HOMER2: variants seen among roughly 807,000 people sequenced by gnomAD.
The protein encoded by HOMER2 is homer protein homolog 2.
Under a neutral mutation model 47.0 loss-of-function variants are expected in HOMER2, and 27 were observed. That is an observed-to-expected ratio of 0.57 (90% confidence interval 0.42 to 0.79). The LOEUF (loss-of-function observed/expected upper bound fraction) is 0.79, where lower values mean the gene tolerates loss of function less well. HOMER2 is among the 30% of genes least tolerant of loss of function. HOMER2 has a pLI of 0.00. For synonymous variants in HOMER2, 161 were observed against 163.8 expected (o/e 0.98, Z 0.13); for missense variants, 443 against 435.0 (o/e 1.02, Z -0.16).
chr15:82,854,905 G>A lies in HOMER2; in HGVS notation c.495-105C>T, dbSNP rs1389932145. ...CCATCCCTCAGCACACCCCTGGGGG[G>A]CCCACGCCCTCTCCCCACAGTAAGC... On this transcript the variant is annotated intron_variant, in intron 5 of 8. Coordinates refer to ENST00000450735, the MANE Select transcript of HOMER2 (RefSeq NM_004839.4). 1.3e-5 allele frequency: 17 copies of A among 1,315,528 alleles called. No homozygotes were observed. The South Asian group carries it at 1.6e-4, about 12-fold the overall frequency. 81.5% of individuals were successfully genotyped at this position (1,315,528 alleles called of 1,614,324 possible).
intron 6 of HOMER2, among the ~76,000 whole-genome samples, chr15:82,853,855 C>G (rs905377358): frequency 2.0e-5 from 3 of 152,192 alleles, no homozygotes; most frequent in Admixed American, 2.0e-4. Context: ...CCTCACGCCT[C>G]AAGCACCATA....
chr15:82,952,810 G>C, upstream of HOMER2: 1 of 670,926 alleles, frequency 1.5e-6, no homozygotes, highest in African/African-American at 2.1e-5. Flanking sequence ...ACGTAACCTC[G>C]TGGCCCCCGG....
chr15:82,974,038 C>A (rs2030106581), intron 1 of HOMER2, among the ~76,000 whole-genome samples: 1 of 151,942 alleles, frequency 6.6e-6, no homozygotes. Flanking sequence ...GCAGAGGTTG[C>A]AGTGCACAGA....
At chr15:82,856,070 C>T (rs2051575772) in intron 5 of HOMER2, among the ~76,000 whole-genome samples, 1 of 152,148 alleles carries the variant, frequency 6.6e-6, no homozygotes, top group Admixed American at 6.5e-5. Context: ...TATCCCACAA[C>T]CTCAAGGACC....
intron 1 of HOMER2, among the ~76,000 whole-genome samples, chr15:82,894,557 G>C (rs2151104509): frequency 6.6e-6 from 1 of 151,734 alleles, no homozygotes. Flanking sequence ...TGTAGTCCCA[G>C]CTACTCGGGA....
chr15:82,895,361 C>T (rs899358193), intron 1 of HOMER2, among the ~76,000 whole-genome samples: 3 of 152,210 alleles, frequency 2.0e-5, no homozygotes, highest in African/African-American at 7.2e-5. Context: ...TTTCCCGCAT[C>T]TGCTGTCAAG....
At chr15:82,843,606 C>A in exon 2 of HOMER2, 1 of 148,508 alleles carries the variant, frequency 6.7e-6, no homozygotes, top group Non-Finnish European at 1.5e-5. Context: ...ATACGTGCAA[C>A]TTAAAATTTT....
Position 82,907,582 on chromosome 15 carries a change from A to G in HOMER2, c.6-14741T>C, listed in dbSNP as rs182985415. 3.3e-5 allele frequency among the ~76,000 whole-genome samples: 5 copies of G among 152,336 alleles called. No individual in the cohort carries two copies. The East Asian group carries it at 9.7e-4, about 29-fold the overall frequency. ...GAGAAAGGGACAGATTCAAAGAAGC[A>G]GAAAATCAGTACATAGTTGAACTCA... On this transcript the variant is annotated intron_variant, in intron 1 of 8. Transcript: ENST00000450735.
chr15:82,935,381 A>G (rs754966772), intron 1 of HOMER2, among the ~76,000 whole-genome samples: 2 of 151,690 alleles, frequency 1.3e-5, no homozygotes, highest in African/African-American at 2.4e-5. Flanking sequence ...CTCCTCCTCT[A>G]TCTTCTCTGC....
intron 1 of HOMER2, among the ~76,000 whole-genome samples, chr15:82,965,029 C>CT (rs1401137858): frequency 3.3e-5 from 5 of 151,898 alleles, no homozygotes; most frequent in African/African-American, 9.7e-5. Context: ...ACTATATTTT[C>CT]TTTTTTTTGA....
At chr15:82,951,909 T>C (rs1223615585) in intron 1 of HOMER2, 1 of 307,032 alleles carries the variant, frequency 3.3e-6, no homozygotes, top group African/African-American at 2.3e-5. Flanking sequence ...AGGGGAAAGC[T>C]TAAATTACTT....
At chr15:82,983,960 T>G (rs574544555) in intron 1 of HOMER2, among the ~76,000 whole-genome samples, 22 of 152,218 alleles carry the variant, frequency 1.4e-4, no homozygotes, top group African/African-American at 5.3e-4. Flanking sequence ...TACTATTTAC[T>G]ATTTAGCGCA....
At chr15:82,959,837 C>T (rs1168961135) in intron 1 of HOMER2, among the ~76,000 whole-genome samples, 1 of 152,138 alleles carries the variant, frequency 6.6e-6, no homozygotes, top group African/African-American at 2.4e-5. Context: ...ACTGGCTGGG[C>T]TTGTATGAGA....
intron 1 of HOMER2, among the ~76,000 whole-genome samples, chr15:82,938,747 G>C (rs984405540): frequency 5.3e-5 from 8 of 152,128 alleles, no homozygotes; most frequent in African/African-American, 1.9e-4. Flanking sequence ...TTTGGCTGAG[G>C]CTGCTCTCAA....
At chr15:82,966,330 T>G (rs1013184082) in intron 1 of HOMER2, among the ~76,000 whole-genome samples, 4 of 152,150 alleles carry the variant, frequency 2.6e-5, no homozygotes, top group Admixed American at 6.6e-5. Flanking sequence ...CAAGTCAACC[T>G]TGTAACAGAT....
At chr15:82,856,581 T>G (rs1013776800) in intron 5 of HOMER2, among the ~76,000 whole-genome samples, 1 of 152,052 alleles carries the variant, frequency 6.6e-6, no homozygotes, top group African/African-American at 2.4e-5. Context: ...ATGACACCAC[T>G]GCACTACAGC....
intron 2 of HOMER2, among the ~76,000 whole-genome samples, chr15:82,889,846 A>C (rs568046380): frequency 1.3e-5 from 2 of 152,256 alleles, no homozygotes; most frequent in African/African-American, 4.8e-5. Flanking sequence ...GTGCATTGGG[A>C]CCACTTTCCA....
intron 1 of HOMER2, among the ~76,000 whole-genome samples, chr15:82,912,765 T>G (rs1394913210): frequency 6.6e-6 from 1 of 152,190 alleles, no homozygotes; most frequent in Non-Finnish European, 1.5e-5. Flanking sequence ...TTGTCTGTCT[T>G]TTTGATATAG....
Position 82,849,611 on chromosome 15 carries a change from C to T in HOMER2, c.*104G>A, listed in dbSNP as rs973486752. The T allele has an allele frequency of 1.5e-4, 144 of 956,562 alleles. No individual in the cohort carries two copies. Among genetic ancestry groups the T allele is most frequent in the Admixed American group, 3.6e-4 (13 of 36,206 alleles). The allele number at this position is 956,562 out of a possible 1,614,324, so 59.3% of individuals were successfully genotyped here. A position where few individuals can be genotyped will look rare whatever the true frequency, so the allele number is the denominator to read the frequency against. ...ACTGGTTTGGAAACACGACAAACTGCGCCTGCATTTACAGAAGCAATGCAC... is the reference window on the plus strand; with the variant it reads ...ACTGGTTTGGAAACACGACAAACTGTGCCTGCATTTACAGAAGCAATGCAC... On this transcript the variant is annotated 3_prime_UTR_variant, in exon 9 of 9. Coordinates refer to ENST00000450735, the MANE Select transcript of HOMER2 (RefSeq NM_004839.4).
Sources: gnomAD v4.1 joint callset for allele counts (sites outside exome capture counted in the v4.1 genomes callset) on GRCh38, gnomAD v4.1.1 for gene constraint, MANE v1.5 for transcripts, NCBI Gene and HGNC (gene_info 2026-07-23, HGNC 2026-07-21) for gene names.